Variants in UBR4 observed in about 807,000 individuals in gnomAD.
The protein encoded by UBR4 is ubiquitin protein ligase E3 component n-recognin 4, also known as E3 ubiquitin-protein ligase UBR4.
Under a neutral mutation model 575.6 loss-of-function variants are expected in UBR4, and 124 were observed. That is an observed-to-expected ratio of 0.22 (90% CI 0.19 to 0.25). UBR4 has a LOEUF of 0.25. Ranked by LOEUF, UBR4 falls within the 10% of genes least tolerant of loss-of-function variation. The pLI is 1.00. For synonymous variants in UBR4, 2,455 were observed against 2,473.7 expected (o/e 0.99, Z 0.22); for missense variants, 4,818 against 6,478.8 (o/e 0.74, Z 8.80).
At position 19,122,866 on chromosome 1, in the gene UBR4, G is replaced by GC; in HGVS notation, c.9782dup (p.Ser3262LeufsTer6). The GC allele has an allele frequency of 6.2e-7, 1 of 1,614,248 alleles. No individual in the cohort carries two copies. Among genetic ancestry groups the GC allele is most frequent in the Non-Finnish European group, 8.5e-7 (1 of 1,180,038 alleles). On this transcript the variant is annotated frameshift_variant, in exon 66 of 106. Transcript: ENST00000375254. LOFTEE classifies it high-confidence loss of function. ...TGAGTGTGTCATATTGCAAGGCGGA[G>GC]CCTGAGCTGGCTGTAACCACACTTG...
rs368717995 is a variant in UBR4 at position 19,155,125 on chromosome 1, C to T, written c.6301-50G>A. 1.9e-6 allele frequency: 3 copies of T among 1,608,120 alleles called. No homozygotes were observed. The African/African-American group carries it at 4.0e-5, about 21-fold the overall frequency. On this transcript the variant is annotated intron_variant, in intron 43 of 105. Coordinates refer to ENST00000375254, the MANE Select transcript of UBR4 (RefSeq NM_020765.3). ...GCAGTAATTCATGTTGCCTTGGCTA[C>T]CAACTTCCGGTTTATACTGGTTATT...
intron 60 of UBR4, among the ~76,000 whole-genome samples, chr1:19,133,619 T>C (rs1478728513): frequency 1.3e-5 from 2 of 152,226 alleles, no homozygotes; most frequent in African/African-American, 2.4e-5. Context: ...GGTGATAAGA[T>C]TGTGGATACA....
Position 19,117,370 on chromosome 1 carries a change from G to A in UBR4, c.10674C>T (p.Thr3558=), listed in dbSNP as rs778989121. The A allele has an allele frequency of 1.2e-6, 2 of 1,614,134 alleles. No individual in the cohort carries two copies. Among genetic ancestry groups the A allele is most frequent in the East Asian group, 2.2e-5 (1 of 44,886 alleles). The change falls in exon 73 of 106, where the codon ACC becomes ACT. Residue 3558 remains threonine (T), a synonymous_variant. Coordinates refer to ENST00000375254, the MANE Select transcript of UBR4 (RefSeq NM_020765.3). This position sits in a 1 kb window ranked among gnomAD's most constrained non-coding sequence, Gnocchi z 4.0. ...SSIKVDTRYT[T]TQQVVKLIGS... Reference sequence around the variant, plus strand: ...CAATGAGCTTCACAACCTGCTGGGTGGTGGTGTACCGCGTGTCCACTTTAA... The same window carrying A: ...CAATGAGCTTCACAACCTGCTGGGTAGTGGTGTACCGCGTGTCCACTTTAA...
chr1:19,100,643 TC>T lies in UBR4; in HGVS notation c.13024-71del. ...GGAGATTTATACCATGCTACCTTGTTCCATGGACACTCGAGGAAAACACACC... is the reference window on the plus strand; with the variant it reads ...GGAGATTTATACCATGCTACCTTGTTCATGGACACTCGAGGAAAACACACC... On this transcript the variant is annotated intron_variant, in intron 88 of 105. Coordinates refer to ENST00000375254, the MANE Select transcript of UBR4 (RefSeq NM_020765.3). This position sits in a 1 kb window ranked among gnomAD's most constrained non-coding sequence, Gnocchi z 4.2. The T allele has an allele frequency of 6.8e-7, 1 of 1,473,056 alleles. No individual in the cohort carries two copies. The highest frequency in any genetic ancestry group is 9.4e-7 in the Non-Finnish European group (1 of 1,058,498). The allele number at this position is 1,473,056 out of a possible 1,614,324, so 91.2% of individuals were successfully genotyped here.
At chr1:19,151,569 C>G (rs1405539299) in intron 48 of UBR4, 74 bp downstream of exon 48, 2 of 1,475,634 alleles carry the variant, frequency 1.4e-6, no homozygotes, top group East Asian at 4.5e-5. Context: ...GAATGTTGGA[C>G]AGCCACAGGC....
chr1:19,106,791 C>CA, intron 82 of UBR4, 46 bp downstream of exon 82: 1 of 1,604,102 alleles, frequency 6.2e-7, no homozygotes, highest in East Asian at 2.2e-5. Context: ...GCAGGGCTGT[C>CA]AGAGCGCAGG....
chr1:19,080,777 AC>A (rs1339476561), intron 103 of UBR4: 3 of 152,566 alleles, frequency 2.0e-5, no homozygotes, highest in Non-Finnish European at 4.4e-5. Context: ...TTCTCTTGAG[AC>A]CATCTGTCCC....
chr1:19,188,584 A>C (rs1230305822), intron 11 of UBR4, among the ~76,000 whole-genome samples: 2 of 152,204 alleles, frequency 1.3e-5, no homozygotes, highest in African/African-American at 4.8e-5. Flanking sequence ...AATTACATTC[A>C]AGTAAAGTGT....
At chr1:19,081,051 C>G in intron 103 of UBR4, 2 of 314,170 alleles carry the variant, frequency 6.4e-6, no homozygotes, top group South Asian at 1.4e-4. Flanking sequence ...CTGTTCTTAG[C>G]CCTGATCATC....
At chr1:19,147,627 C>T (rs1338475405) in intron 51 of UBR4, among the ~76,000 whole-genome samples, 1 of 152,228 alleles carries the variant, frequency 6.6e-6, no homozygotes, top group Non-Finnish European at 1.5e-5. Context: ...GTACACTTCT[C>T]GTGCTGTGCC....
chr1:19,200,203 A>G (rs754218584), intron 2 of UBR4, among the ~76,000 whole-genome samples: 1 of 152,124 alleles, frequency 6.6e-6, no homozygotes, highest in Non-Finnish European at 1.5e-5. Context: ...TCCCTGGGCT[A>G]CACTGGAAGA....
intron 103 of UBR4, chr1:19,080,374 A>G (rs2076365841): frequency 6.6e-6 from 1 of 152,210 alleles, no homozygotes; most frequent in Admixed American, 6.5e-5. Context: ...CAGACCAGCA[A>G]CGCTTGATCA....
chr1:19,096,989 ATTC>A (rs1033665668), intron 91 of UBR4, among the ~76,000 whole-genome samples: 5 of 114,774 alleles, frequency 4.4e-5, no homozygotes, highest in Non-Finnish European at 9.4e-5. Flanking sequence ...GTTTGCTGGT[ATTC>A]TTTTTTTTTT....
At chr1:19,113,869 GTGAT>G (rs1387552990) in intron 76 of UBR4, 42 bp from the exon 77 acceptor site, 1 of 1,613,954 alleles carries the variant, frequency 6.2e-7, no homozygotes, top group Non-Finnish European at 8.5e-7. Context: ...CCCACCTAAG[GTGAT>G]CTCACCTAGG....
At chr1:19,141,578 T>C in intron 56 of UBR4, 54 bp from the exon 57 acceptor site, 1 of 1,599,126 alleles carries the variant, frequency 6.3e-7, no homozygotes, top group Admixed American at 1.7e-5. Flanking sequence ...CTTTTGGAAG[T>C]CCACTGAATA....
chr1:19,108,693 G>A (rs116780939), intron 81 of UBR4, among the ~76,000 whole-genome samples: 1,812 of 152,208 alleles, frequency 0.012, 36 homozygotes, highest in African/African-American at 0.041. Flanking sequence ...GTTTTCTACC[G>A]TCAGCACAAA....
At position 19,179,081 on chromosome 1, in the gene UBR4, T is replaced by G; in HGVS notation, c.2324A>C (p.Asp775Ala). The G allele has an allele frequency of 1.2e-6, 2 of 1,613,844 alleles. No individual in the cohort carries two copies. Among genetic ancestry groups the G allele is most frequent in the Non-Finnish European group, 1.7e-6 (2 of 1,179,920 alleles). ...QHKASAQGDPDVPECLKVWDR... is the reference protein window; with the variant it reads ...QHKASAQGDPAVPECLKVWDR... Reference sequence around the variant, plus strand: ...CCAAACTTTAAGGCATTCTGGGACGTCAGGGTCACCTTGAGCACTGGCTTT... The same window carrying G: ...CCAAACTTTAAGGCATTCTGGGACGGCAGGGTCACCTTGAGCACTGGCTTT... The change falls in exon 18 of 106, where the codon GAC (aspartate) becomes GCC (alanine). Residue 775 changes from aspartate to alanine, a missense_variant. By Grantham distance (126) the Asp-to-Ala change is moderately radical (BLOSUM62 -2). This residue lies in a region of UBR4 where 1,172 missense variants were observed against 1,259.7 expected (regional missense o/e 0.93). Coordinates refer to ENST00000375254, the MANE Select transcript of UBR4 (RefSeq NM_020765.3).
chr1:19,165,306 G>A lies in UBR4; in HGVS notation c.4255C>T (p.Leu1419Phe), dbSNP rs2088146555. The A allele has an allele frequency of 6.2e-7, 1 of 1,614,070 alleles. No individual in the cohort carries two copies. Among genetic ancestry groups the A allele is most frequent in the East Asian group, 2.2e-5 (1 of 44,892 alleles). Residue 1419 changes from leucine to phenylalanine, a missense_variant, in exon 31 of 106, where the codon CTC becomes TTC. Coordinates refer to ENST00000375254, the MANE Select transcript of UBR4 (RefSeq NM_020765.3). ...QIMMATANEN[L>F]SAKFCNRVLK... The stretch of plus-strand genomic sequence containing the variant: ...ACTCGGTTACAGAATTTAGCAGAGA[G>A]GTTCTCATTGGCTGTTGCCATCATG...
chr1:19,147,291 A>G (rs936866301), intron 51 of UBR4, among the ~76,000 whole-genome samples: 1 of 152,264 alleles, frequency 6.6e-6, no homozygotes, highest in Admixed American at 6.5e-5. Context: ...TTCTCTTACA[A>G]TAGAAGAGTC....
Sources: gnomAD v4.1 joint callset for allele counts (sites outside exome capture counted in the v4.1 genomes callset) on GRCh38, gnomAD v4.1.1 for gene constraint, gnomAD v4.1.1 regional missense constraint, Gnocchi (gnomAD v3.1) non-coding constraint, MANE v1.5 for transcripts, NCBI Gene and HGNC (gene_info 2026-07-23, HGNC 2026-07-21) for gene names.